The following HACD3 variants were observed in gnomAD, a reference collection of about 807,000 sequenced individuals.
HACD3 encodes very-long-chain (3R)-3-hydroxyacyl-CoA dehydratase 3.
In HACD3, 30 loss-of-function variants were observed where a neutral mutation model predicts 55.2. The observed-to-expected ratio is 0.54, with a 90% confidence interval of 0.41 to 0.74. The LOEUF is 0.74. Among genes scored for constraint, HACD3 ranks in the 30% least tolerant of loss-of-function variants. The probability of loss-of-function intolerance (pLI) is 0.00; values close to 1 mark genes in which losing one functional copy is unlikely to be tolerated. For synonymous variants in HACD3, 141 were observed against 151.7 expected (o/e 0.93, Z 0.52); for missense variants, 363 against 440.1 (o/e 0.82, Z 1.57).
intron 1 of HACD3, among the ~76,000 whole-genome samples, chr15:65,541,224 T>G (rs185945851): frequency 1.3e-5 from 2 of 152,284 alleles, no homozygotes; most frequent in Admixed American, 1.3e-4. Context: ...TTATAGTATC[T>G]TAGACTTAAT....
chr15:65,542,227 CAAA>C lies in HACD3; in HGVS notation c.88-9432_88-9430del, dbSNP rs527287203. Among the ~76,000 whole-genome samples the C allele has an allele frequency of 3.6e-4, 23 of 63,230 alleles. No individual in the cohort carries two copies. In the South Asian group the frequency reaches 7.8e-3, roughly 22 times the overall value. 41.5% of individuals were successfully genotyped at this position (63,230 alleles called of 152,430 possible). On this transcript the variant is annotated intron_variant, in intron 1 of 10. Transcript: ENST00000261875. ...CTGGCGACAGAGTGAGACTCCATCT[CAAA>C]AAAAAAAAAAAAAAAAGAAAAGAAA... is the stretch of plus-strand genomic sequence containing the variant.
chr15:65,556,884 A>C lies in HACD3; in HGVS notation c.350A>C (p.Glu117Ala), dbSNP rs1271276251. The C allele has an allele frequency of 1.2e-6, 2 of 1,612,712 alleles. No individual in the cohort carries two copies. Among genetic ancestry groups the C allele is most frequent in the Admixed American group, 3.3e-5 (2 of 59,924 alleles). ...CGTTGGCTGGATGAATCTGATGCGGAAATGGAGCTCAGAGCTAAGGTTAGT... is the reference window on the plus strand; with the variant it reads ...CGTTGGCTGGATGAATCTGATGCGGCAATGGAGCTCAGAGCTAAGGTTAGT... ...FDRWLDESDA[E>A]MELRAKEEER... The change falls in exon 4 of 11, where the codon GAA becomes GCA. Residue 117 changes from glutamate to alanine, a missense_variant. Transcript: ENST00000261875.
chr15:65,536,102 C>T (rs1401514039), intron 1 of HACD3, among the ~76,000 whole-genome samples: 6 of 152,246 alleles, frequency 3.9e-5, no homozygotes, highest in South Asian at 4.1e-4. Flanking sequence ...CCGCAACCTC[C>T]GCCTCCCAGC....
chr15:65,575,812 G>A (rs1431414289), intron 10 of HACD3, among the ~76,000 whole-genome samples: 1 of 152,232 alleles, frequency 6.6e-6, no homozygotes, highest in East Asian at 1.9e-4. Context: ...TCACTGGGAG[G>A]CTGGGTGTGG....
chr15:65,551,493 T>C (rs558306668), intron 1 of HACD3, among the ~76,000 whole-genome samples, 183 bp from the exon 2 acceptor site: 1 of 152,288 alleles, frequency 6.6e-6, no homozygotes, highest in Admixed American at 6.5e-5. Context: ...CTTAGATAGG[T>C]ACAGACAGAC....
chr15:65,560,801 CA>C (rs11304800), intron 5 of HACD3, among the ~76,000 whole-genome samples: 55,406 of 108,666 alleles, frequency 0.51, 12,835 homozygotes, highest in East Asian at 0.75. Context: ...GACCCTATCT[CA>C]AAAAAAAAAA....
Position 65,539,322 on chromosome 15 carries a change from G to C in HACD3, c.87+8604G>C, listed in dbSNP as rs564049762. Among the ~76,000 whole-genome samples the C allele has an allele frequency of 2.5e-4, 36 of 144,584 alleles. No individual in the cohort carries two copies. The East Asian group carries it at 4.2e-3, about 17-fold the overall frequency. The allele number at this position is 144,584 out of a possible 152,430, so 94.9% of individuals were successfully genotyped here. A position where few individuals can be genotyped will look rare whatever the true frequency, so the allele number is the denominator to read the frequency against. ...TGCAATCTCCGCCTCCTGGGCTCAAGTGATTCTCCCGCCTCAGCCTCCCGA... is the reference window on the plus strand; with the variant it reads ...TGCAATCTCCGCCTCCTGGGCTCAACTGATTCTCCCGCCTCAGCCTCCCGA... On this transcript the variant is annotated intron_variant, in intron 1 of 10. Transcript: ENST00000261875.
rs1397178738 is a variant in HACD3, at chr15:65,571,671, T to C, written c.880+17T>C. On this transcript the variant is annotated intron_variant, in intron 9 of 10. Coordinates refer to ENST00000261875, the MANE Select transcript of HACD3 (RefSeq NM_016395.4). ...TGGCGGAAGGTACTCTCAGGGACTCTTAGCTTTCATAGCTTAGCTCCAGGG... is the reference window on the plus strand; with the variant it reads ...TGGCGGAAGGTACTCTCAGGGACTCCTAGCTTTCATAGCTTAGCTCCAGGG... 2 of 1,580,132 alleles carry C rather than the reference T, an allele frequency of 1.3e-6. No homozygotes were observed. The highest frequency in any genetic ancestry group is 8.7e-7 in the Non-Finnish European group (1 of 1,149,710).
At chr15:65,534,250 TGTTAA>T (rs1461120633) in intron 1 of HACD3, 2 of 152,216 alleles carry the variant, frequency 1.3e-5, no homozygotes, top group African/African-American at 4.8e-5. Context: ...AGTTTTAAAG[TGTTAA>T]GTTCCAGTTT....
intron 1 of HACD3, among the ~76,000 whole-genome samples, chr15:65,537,357 A>G (rs2071964537): frequency 2.0e-5 from 3 of 152,136 alleles, no homozygotes; most frequent in African/African-American, 7.2e-5. Flanking sequence ...GAGGACTTTT[A>G]TAGTTAGAGA....
In HACD3 at chr15:65,564,208, C is replaced by T. The variant is rs745472174; in HGVS notation, c.533-7C>T. ...GATTCACCCTTAATGTATATTTTTG[C>T]CTATAGAGTCCTTTTATGACACATT... On this transcript the variant is annotated splice_region_variant and splice_polypyrimidine_tract_variant and intron_variant, in intron 6 of 10. Coordinates refer to ENST00000261875, the MANE Select transcript of HACD3 (RefSeq NM_016395.4). 12 of 1,611,052 alleles carry T rather than the reference C, an allele frequency of 7.4e-6. No homozygotes were observed. The highest frequency in any genetic ancestry group is 2.7e-5 in the African/African-American group (2 of 74,728).
intron 10 of HACD3, chr15:65,574,273 A>C (rs1222954840): frequency 6.6e-5 from 10 of 152,326 alleles, no homozygotes; most frequent in East Asian, 3.9e-4. Flanking sequence ...GATCTGCTCC[A>C]AGCTCACTCT....
At chr15:65,552,021 A>T (rs2072138432) in intron 2 of HACD3, 1 of 296,494 alleles carries the variant, frequency 3.4e-6, no homozygotes. Flanking sequence ...ATCTTGGACA[A>T]GTTATTGACT....
intron 8 of HACD3, among the ~76,000 whole-genome samples, 163 bp from the exon 9 acceptor site, chr15:65,571,385 C>T (rs950756741): frequency 3.9e-5 from 6 of 152,084 alleles, no homozygotes; most frequent in Non-Finnish European, 5.9e-5. Flanking sequence ...AAATTTAGGG[C>T]GCAGTGTGGC....
At chr15:65,541,772 A>G (rs1277485910) in intron 1 of HACD3, among the ~76,000 whole-genome samples, 3 of 152,258 alleles carry the variant, frequency 2.0e-5, no homozygotes, top group African/African-American at 7.2e-5. Flanking sequence ...GAATTAGAAG[A>G]TGATACAAAC....
chr15:65,550,164 G>A (rs1222745601), intron 1 of HACD3, among the ~76,000 whole-genome samples: 1 of 152,178 alleles, frequency 6.6e-6, no homozygotes, highest in Admixed American at 6.5e-5. Context: ...GAGGCAGGCA[G>A]ATCACCTGAG....
Position 65,572,289 on chromosome 15 carries a change from T to C in HACD3, c.935T>C (p.Phe312Ser). ...PIFNETGRFS[F>S]TLPYPVKIKV... ...TTCAATGAGACCGGACGATTCAGTT[T>C]CACATTGCCATATCCAGTGAAAATC... is the stretch of plus-strand genomic sequence containing the variant. The change falls in exon 10 of 11, where the codon TTC (phenylalanine) becomes TCC (serine). Residue 312 changes from phenylalanine (F) to serine (S), a missense_variant. By Grantham distance (155) the Phe-to-Ser change is radical (BLOSUM62 -2). Coordinates refer to ENST00000261875, the MANE Select transcript of HACD3 (RefSeq NM_016395.4). 1.2e-6 allele frequency: 2 copies of C among 1,613,534 alleles called. No homozygotes were observed. Among genetic ancestry groups the C allele is most frequent in the Non-Finnish European group, 1.7e-6 (2 of 1,179,812 alleles).
chr15:65,564,096 C>T, intron 6 of HACD3, 119 bp from the exon 7 acceptor site: 1 of 1,268,950 alleles, frequency 7.9e-7, no homozygotes, highest in Non-Finnish European at 1.1e-6. Context: ...TTGAATCTGA[C>T]TGGATGTTTG....
intron 1 of HACD3, chr15:65,535,728 C>G: frequency 2.0e-6 from 1 of 498,126 alleles, no homozygotes; most frequent in Non-Finnish European, 3.6e-6. Flanking sequence ...CAGGGTCTCA[C>G]TCTGTTGCCC....
Sources: allele counts gnomAD v4.1 joint callset (sites outside exome capture counted in the v4.1 genomes callset), GRCh38; gene constraint gnomAD v4.1.1; transcripts MANE v1.5; gene names NCBI Gene and HGNC (gene_info 2026-07-23, HGNC 2026-07-21).